Variants in KATNIP observed in about 807,000 individuals in gnomAD.
KATNIP encodes katanin interacting protein.
KATNIP carries 126 observed loss-of-function variants against 174.0 expected under a neutral mutation model. The observed-to-expected ratio is 0.72, with a 90% CI of 0.63 to 0.84. KATNIP has a LOEUF of 0.84. KATNIP is among the 40% of genes least tolerant of loss of function. The probability of loss-of-function intolerance (pLI) is 0.00; values close to 1 mark genes in which losing one functional copy is unlikely to be tolerated. For missense variants in KATNIP, 1,958 were observed against 2,109.7 expected (o/e 0.93, Z 1.41); for synonymous variants, 810 against 835.7 (o/e 0.97, Z 0.53).
At chr16:27,774,924 G>A (rs1470618186) in intron 23 of KATNIP, 21 bp from the exon 24 acceptor site, 2 of 1,613,612 alleles carry the variant, frequency 1.2e-6, no homozygotes, top group Non-Finnish European at 1.7e-6. Context: ...TTGGGTTATG[G>A]CAACTTAGAC....
chr16:27,751,816 G>T lies in KATNIP; in HGVS notation c.3444G>T (p.Gly1148=). 6.2e-7 allele frequency: 1 copy of T among 1,614,226 alleles called. No individual in the cohort carries two copies. Among genetic ancestry groups the T allele is most frequent in the Non-Finnish European group, 8.5e-7 (1 of 1,180,028 alleles). ...YSDEMFDLDV[G]SLDSLQDEEA... ...ATGAGATGTTTGACCTGGATGTGGG[G>T]AGCCTGGACAGCCTGCAGGATGAAG... Residue 1148 remains glycine, a synonymous_variant, in exon 17 of 28, where the codon GGG becomes GGT. Coordinates refer to ENST00000261588, the MANE Select transcript of KATNIP (RefSeq NM_015202.5).
At chr16:27,662,524 T>G (rs2077560290) in intron 6 of KATNIP, among the ~76,000 whole-genome samples, 1 of 152,066 alleles carries the variant, frequency 6.6e-6, no homozygotes, top group Non-Finnish European at 1.5e-5. Context: ...CAGGGCAAGC[T>G]GAGCAGGAAT....
At chr16:27,703,481 TTTG>T (rs2079179784) in intron 11 of KATNIP, among the ~76,000 whole-genome samples, 1 of 152,234 alleles carries the variant, frequency 6.6e-6, no homozygotes, top group Non-Finnish European at 1.5e-5. Context: ...TGCGGTTGGT[TTTG>T]TTGTTGTTAT....
At chr16:27,608,994 A>T (rs139296835) in intron 2 of KATNIP, among the ~76,000 whole-genome samples, 1 of 152,136 alleles carries the variant, frequency 6.6e-6, no homozygotes, top group African/African-American at 2.4e-5. Context: ...TGGCCCGTCC[A>T]TGAACATTTC....
intron 2 of KATNIP, 94 bp downstream of exon 2, chr16:27,574,050 C>G (rs766903018): frequency 1.0e-4 from 112 of 1,121,022 alleles, no homozygotes; most frequent in Non-Finnish European, 1.5e-4. Flanking sequence ...TAAATATACT[C>G]TTTTCTCTTG....
At chr16:27,651,788 C>T (rs574045271) in intron 6 of KATNIP, among the ~76,000 whole-genome samples, 13 of 152,256 alleles carry the variant, frequency 8.5e-5, no homozygotes, top group Non-Finnish European at 1.6e-4. Flanking sequence ...GGTGCGATCT[C>T]GGCTCACTGC....
At chr16:27,741,851 G>A (rs902490681) in intron 15 of KATNIP, among the ~76,000 whole-genome samples, 2 of 151,462 alleles carry the variant, frequency 1.3e-5, no homozygotes, top group East Asian at 2.0e-4. Context: ...ACAGTGATCC[G>A]AAATTGTGCC....
chr16:27,598,340 C>A (rs983712791), intron 2 of KATNIP, among the ~76,000 whole-genome samples: 1 of 152,016 alleles, frequency 6.6e-6, no homozygotes, highest in African/African-American at 2.4e-5. Flanking sequence ...GAAAACAGAG[C>A]AGCACAAATG....
intron 15 of KATNIP, among the ~76,000 whole-genome samples, chr16:27,745,866 A>G (rs994766702): frequency 2.0e-5 from 3 of 151,594 alleles, no homozygotes; most frequent in Non-Finnish European, 4.4e-5. Context: ...CCAATTCCCC[A>G]ATTCCCATGG....
At position 27,721,577 on chromosome 16, in the gene KATNIP, C is replaced by T. The variant is rs538478191; in HGVS notation, c.1625C>T (p.Pro542Leu). 3.4e-5 allele frequency: 55 copies of T among 1,613,986 alleles called. No individual in the cohort carries two copies. The highest frequency in any genetic ancestry group is 1.6e-4 in the Middle Eastern group (1 of 6,084). ...TTCTAGGGCAAGAAAGACTCCTCCC[C>T]GTGGACCTGCCCCTTCCACCCACCA... The part of the protein sequence containing the change: ...RNLAGKKDSS[P>L]WTCPFHPPLQ... Residue 542 changes from proline to leucine, a missense_variant, in exon 14 of 28, where the codon CCG (proline) becomes CTG (leucine). By Grantham distance (98) the Pro-to-Leu change is moderately conservative. This residue lies in a region of KATNIP where 1,557 missense variants were observed against 1,617.8 expected (regional missense o/e 0.96). Coordinates refer to ENST00000261588, the MANE Select transcript of KATNIP (RefSeq NM_015202.5).
At position 27,773,101 on chromosome 16, in the gene KATNIP, AT is replaced by A; in HGVS notation, c.4205del (p.Phe1402SerfsTer44). On this transcript the variant is annotated frameshift_variant, in exon 23 of 28. Coordinates refer to ENST00000261588, the MANE Select transcript of KATNIP (RefSeq NM_015202.5). LOFTEE classifies it high-confidence loss of function. ...YEAPLMPCGF[I>X]FQFQLLTSWG... The stretch of plus-strand genomic sequence containing the variant: ...TTTTCCTTAATAAAGTGTCCCAGTC[AT>A]TTTCCAGTTTCAGCTTCTCACCAGC... The A allele has an allele frequency of 6.3e-7, 1 of 1,596,212 alleles. No homozygotes were observed. Among genetic ancestry groups the A allele is most frequent in the Non-Finnish European group, 8.6e-7 (1 of 1,168,048 alleles).
In KATNIP at chr16:27,766,237, G is replaced by A. The variant is rs114719220; in HGVS notation, c.3810-72G>A. 4.9e-4 allele frequency: 764 copies of A among 1,547,882 alleles called. 6 individuals carry two copies. In the African/African-American group the frequency reaches 7.9e-3, roughly 16 times the overall value. On this transcript the variant is annotated intron_variant, in intron 19 of 27. Transcript: ENST00000261588. Reference sequence around the variant, plus strand: ...TGGGGACGTACTTGGGGCCGAGGGGGTGGGGGCCCCACTGTGATGCCTCCT... The same window carrying A: ...TGGGGACGTACTTGGGGCCGAGGGGATGGGGGCCCCACTGTGATGCCTCCT...
At chr16:27,584,469 G>A (rs1216928221) in intron 2 of KATNIP, among the ~76,000 whole-genome samples, 1 of 152,256 alleles carries the variant, frequency 6.6e-6, no homozygotes, top group East Asian at 1.9e-4. Flanking sequence ...ACTGTGTGGT[G>A]GGAATAGTAA....
intron 8 of KATNIP, among the ~76,000 whole-genome samples, chr16:27,690,363 T>TGATAGATAGATAGATAGATAGATA (rs200443119): frequency 1.1e-5 from 1 of 90,986 alleles, no homozygotes; most frequent in African/African-American, 4.7e-5. Context: ...GATAGATAGA[T>TGATAGATAGATAGATAGATAGATA]GATAGATAGA....
At chr16:27,578,974 T>G (rs1895277401) in intron 2 of KATNIP, among the ~76,000 whole-genome samples, 1 of 152,232 alleles carries the variant, frequency 6.6e-6, no homozygotes, top group African/African-American at 2.4e-5. Flanking sequence ...TAGCCTCATT[T>G]CTAACAAGTA....
At chr16:27,554,789 CTTTTTTTT>C (rs563621813) in intron 1 of KATNIP, among the ~76,000 whole-genome samples, 9 of 77,840 alleles carry the variant, frequency 1.2e-4, no homozygotes, top group Admixed American at 3.1e-4. Context: ...TTGATTTACA[CTTTTTTTT>C]TTTTTTTTTT....
At chr16:27,598,639 C>T (rs1356169226) in intron 2 of KATNIP, among the ~76,000 whole-genome samples, 1 of 152,194 alleles carries the variant, frequency 6.6e-6, no homozygotes, top group African/African-American at 2.4e-5. Context: ...CAGGATCATC[C>T]ATTCGGTTCA....
intron 8 of KATNIP, among the ~76,000 whole-genome samples, chr16:27,682,545 G>A (rs933031408): frequency 2.6e-5 from 4 of 152,146 alleles, no homozygotes; most frequent in Non-Finnish European, 4.4e-5. Flanking sequence ...GCTCAGTCTC[G>A]ATGTTACCAG....
At position 27,749,700 on chromosome 16, in the gene KATNIP, A is replaced by G; in HGVS notation, c.2740A>G (p.Ile914Val). Reference sequence around the variant, plus strand: ...CTTCGACCGCTCCCACCGGGGACGCATCTCCAACACGGAGCTCCCGGGGGA... The same window carrying G: ...CTTCGACCGCTCCCACCGGGGACGCGTCTCCAACACGGAGCTCCCGGGGGA... ...SAFDRSHRGRISNTELPGDIL... is the reference protein window; with the variant it reads ...SAFDRSHRGRVSNTELPGDIL... Residue 914 changes from isoleucine (I) to valine (V), a missense_variant, in exon 16 of 28, where the codon ATC becomes GTC. Ile to Val is a conservative substitution (Grantham distance 29, BLOSUM62 3). Around this residue, in one of 3 missense-constraint regions of KATNIP, gnomAD observed 1,557 missense variants for 1,617.8 expected, o/e 0.96. Transcript: ENST00000261588. 2 of 1,613,608 alleles carry G rather than the reference A, an allele frequency of 1.2e-6. No homozygotes were observed. The highest frequency in any genetic ancestry group is 1.7e-6 in the Non-Finnish European group (2 of 1,179,806).
Sources: allele counts gnomAD v4.1 joint callset (sites outside exome capture counted in the v4.1 genomes callset), GRCh38; gene constraint gnomAD v4.1.1; regional missense constraint gnomAD v4.1.1; transcripts MANE v1.5; gene names NCBI Gene and HGNC (gene_info 2026-07-23, HGNC 2026-07-21).